Variants in CD101 observed in about 807,000 individuals in gnomAD.
CD101 encodes the protein immunoglobulin superfamily member 2.
CD101 carries 76 observed loss-of-function variants against 98.2 expected under a neutral mutation model. That is an observed-to-expected ratio of 0.77 (90% CI 0.64 to 0.94). The LOEUF is 0.94. Among genes scored for constraint, CD101 ranks in the 40% least tolerant of loss-of-function variants. CD101 has a pLI of 0.00. For missense variants in CD101, 1,145 were observed against 1,218.8 expected, an observed-to-expected ratio of 0.94 and a Z score of 0.90; for synonymous variants, 471 against 472.7, an observed-to-expected ratio of 1.00 and a Z score of 0.05.
rs764902074 is a variant in CD101, at chr1:117,011,876, G to A, written c.751G>A (p.Ala251Thr). ...SSDQGQLFCEATEWIQDPDET... is the reference protein window; with the variant it reads ...SSDQGQLFCETTEWIQDPDET... Reference sequence around the variant, plus strand: ...AGATCAGGGTCAGCTGTTCTGTGAGGCAACGGAATGGATTCAGGATCCAGA... The same window carrying A: ...AGATCAGGGTCAGCTGTTCTGTGAGACAACGGAATGGATTCAGGATCCAGA... The change falls in exon 3 of 10, where the codon GCA (alanine) becomes ACA (threonine). Residue 251 changes from alanine to threonine, a missense_variant. Ala to Thr is a moderately conservative substitution (Grantham distance 58). Coordinates refer to ENST00000682167, the MANE Select transcript of CD101 (RefSeq NM_001256106.3). The A allele has an allele frequency of 1.9e-6, 3 of 1,614,106 alleles. No individual in the cohort carries two copies. The highest frequency in any genetic ancestry group is 2.5e-6 in the Non-Finnish European group (3 of 1,180,018).
chr1:117,033,803 T>C lies in CD101; in HGVS notation c.2825-57T>C. On this transcript the variant is annotated intron_variant, in intron 8 of 9. Transcript: ENST00000682167. The surrounding 1 kb of genome is among the most constrained non-coding windows in gnomAD (Gnocchi z 4.8). ...AATAAATCCCAGGAGTGTTTGTAAT[T>C]GACTAGTACAAATAAGTTGGAGATG... 3 of 1,605,306 alleles carry C rather than the reference T, an allele frequency of 1.9e-6. No individual in the cohort carries two copies. The highest frequency in any genetic ancestry group is 2.6e-6 in the Non-Finnish European group (3 of 1,174,392).
Position 117,021,946 on chromosome 1 carries a change from G to T in CD101, c.2391G>T (p.Lys797Asn). ...GCACTTGGCACAAGCTTGGAGAAAA[G>T]AAGTCAGGACTAACAGAATTGAAAC... ...TNGTWHKLGE[K>N]KSGLTELKLK... The change falls in exon 7 of 10, where the codon AAG becomes AAT. Residue 797 changes from lysine to asparagine, a missense_variant. Transcript: ENST00000682167. The surrounding 1 kb of genome is among the most constrained non-coding windows in gnomAD (Gnocchi z 4.7). 6.2e-7 allele frequency: 1 copy of T among 1,612,926 alleles called. No homozygotes were observed. The highest frequency in any genetic ancestry group is 8.5e-7 in the Non-Finnish European group (1 of 1,179,652).
At position 117,018,511 on chromosome 1, in the gene CD101, G is replaced by A. The variant is rs935721436; in HGVS notation, c.1968G>A (p.Pro656=). ...DRNSLYNNRP[P]RASAISHPLR... is the part of the protein sequence containing the mutation. ...ATTCCCTATACAACAACCGCCCCCC[G>A]AGGGCTTCTGCCATCTCTCACCCAC... The change falls in exon 6 of 10, where the codon CCG becomes CCA. Residue 656 remains proline, a synonymous_variant. Transcript: ENST00000682167. This position sits in a 1 kb window ranked among gnomAD's most constrained non-coding sequence, Gnocchi z 4.3. The A allele has an allele frequency of 7.4e-6, 12 of 1,612,036 alleles. No homozygotes were observed. Among genetic ancestry groups the A allele is most frequent in the African/African-American group, 6.7e-5 (5 of 74,888 alleles).
rs924569671 is a variant in CD101 at position 117,012,567 on chromosome 1, T to A, written c.841+601T>A. On this transcript the variant is annotated intron_variant, in intron 3 of 9. Coordinates refer to ENST00000682167, the MANE Select transcript of CD101 (RefSeq NM_001256106.3). This position sits in a 1 kb window ranked among gnomAD's most constrained non-coding sequence, Gnocchi z 4.0. ...ATGCAGTGACTTTGCTTTTTTATTA[T>A]TTTTTTAATTTTTAAATTTTTTTAA... Among the ~76,000 whole-genome samples the A allele has an allele frequency of 6.6e-6, 1 of 152,196 alleles. No individual in the cohort carries two copies. Among genetic ancestry groups the A allele is most frequent in the African/African-American group, 2.4e-5 (1 of 41,444 alleles).
chr1:117,006,473 G>A lies in CD101; in HGVS notation c.44-3377G>A, dbSNP rs1262671464. 2.0e-5 allele frequency among the ~76,000 whole-genome samples: 3 copies of A among 152,086 alleles called. No individual in the cohort carries two copies. The highest frequency in any genetic ancestry group is 2.9e-5 in the Non-Finnish European group (2 of 68,004). Reference sequence around the variant, plus strand: ...GTGATAGTCAAGTCCTTTCTGCTCTGGACCCAAAAATTGCTGTCCAGTTTT... The same window carrying A: ...GTGATAGTCAAGTCCTTTCTGCTCTAGACCCAAAAATTGCTGTCCAGTTTT... On this transcript the variant is annotated intron_variant, in intron 1 of 9. Coordinates refer to ENST00000682167, the MANE Select transcript of CD101 (RefSeq NM_001256106.3). The surrounding 1 kb of genome is among the most constrained non-coding windows in gnomAD (Gnocchi z 4.4).
chr1:117,016,589 T>TG (rs1191527696), intron 4 of CD101, among the ~76,000 whole-genome samples: 1 of 152,204 alleles, frequency 6.6e-6, no homozygotes, highest in Non-Finnish European at 1.5e-5. Flanking sequence ...CTGGGTGCAG[T>TG]GGCTCATGCC....
intron 1 of CD101, among the ~76,000 whole-genome samples, chr1:117,002,979 A>C (rs1652326962): frequency 6.6e-6 from 1 of 152,212 alleles, no homozygotes; most frequent in Non-Finnish European, 1.5e-5. Flanking sequence ...GACCCAGTTA[A>C]GAACTCTTGC....
In CD101 at chr1:117,018,865, G is replaced by A. The variant is rs1301960845; in HGVS notation, c.2017+305G>A. On this transcript the variant is annotated intron_variant, in intron 6 of 9. Transcript: ENST00000682167. This position sits in a 1 kb window ranked among gnomAD's most constrained non-coding sequence, Gnocchi z 4.3. ...AGGGTACCACGTGGCACAGCAGGGG[G>A]CCTCTAGGACCTGGCTAGAGGGGAG... Among the ~76,000 whole-genome samples the A allele has an allele frequency of 6.6e-6, 1 of 152,164 alleles. No individual in the cohort carries two copies. The highest frequency in any genetic ancestry group is 1.5e-5 in the Non-Finnish European group (1 of 68,040).
intron 3 of CD101, 30 bp downstream of exon 3, chr1:117,011,996 A>G: frequency 6.3e-7 from 1 of 1,580,806 alleles, no homozygotes; most frequent in Non-Finnish European, 8.7e-7. Flanking sequence ...ATTCATTAAT[A>G]CACTAGTATT....
At position 117,018,504 on chromosome 1, in the gene CD101, G is replaced by C. The variant is rs763269950; in HGVS notation, c.1961G>C (p.Arg654Pro). The C allele has an allele frequency of 6.2e-7, 1 of 1,613,260 alleles. No individual in the cohort carries two copies. The highest frequency in any genetic ancestry group is 1.7e-5 in the Admixed American group (1 of 59,998). ...VYDRNSLYNNRPPRASAISHP... is the reference protein window; with the variant it reads ...VYDRNSLYNNPPPRASAISHP... ...GACAGAAATTCCCTATACAACAACC[G>C]CCCCCCGAGGGCTTCTGCCATCTCT... The change falls in exon 6 of 10, where the codon CGC becomes CCC. Residue 654 changes from arginine to proline, a missense_variant. Arg to Pro is a moderately radical substitution (Grantham distance 103). Coordinates refer to ENST00000682167, the MANE Select transcript of CD101 (RefSeq NM_001256106.3). The surrounding 1 kb of genome is among the most constrained non-coding windows in gnomAD (Gnocchi z 4.3).
chr1:117,031,098 G>A (rs1450307938), intron 8 of CD101, among the ~76,000 whole-genome samples: 1 of 152,176 alleles, frequency 6.6e-6, no homozygotes, highest in East Asian at 1.9e-4. Context: ...GGTGGGAAAT[G>A]GTGACTGTGG....
Position 117,013,571 on chromosome 1 carries a change from G to A in CD101, c.1007G>A (p.Gly336Asp). The change falls in exon 4 of 10, where the codon GGC becomes GAC. Residue 336 changes from glycine (G) to aspartate (D), a missense_variant. Gly to Asp is a moderately conservative substitution (Grantham distance 94, BLOSUM62 -1). Coordinates refer to ENST00000682167, the MANE Select transcript of CD101 (RefSeq NM_001256106.3). ...IAHIDAGGVL[G>D]LKNDYKERAS... is the part of the protein sequence containing the mutation. ...CACATTGATGCTGGTGGAGTCCTGG[G>A]CCTGAAGAATGACTACAAAGAGAGA... The A allele has an allele frequency of 1.9e-6, 3 of 1,614,132 alleles. No individual in the cohort carries two copies. Among genetic ancestry groups the A allele is most frequent in the Non-Finnish European group, 8.5e-7 (1 of 1,180,024 alleles).
chr1:117,017,211 C>T lies in CD101; in HGVS notation c.1350C>T (p.Ile450=), dbSNP rs1016069031. Reference sequence around the variant, plus strand: ...CCCTGTCTGTGAGCTGGTGGCACATCCCACGGGACCAGACACAGCCCGAGT... The same window carrying T: ...CCCTGTCTGTGAGCTGGTGGCACATTCCACGGGACCAGACACAGCCCGAGT... ...ESPLSVSWWH[I]PRDQTQPEFV... is the part of the protein sequence containing the mutation. The change falls in exon 5 of 10, where the codon ATC becomes ATT. Residue 450 remains isoleucine, a synonymous_variant. Transcript: ENST00000682167. 6.2e-7 allele frequency: 1 copy of T among 1,613,958 alleles called. No individual in the cohort carries two copies. The highest frequency in any genetic ancestry group is 8.5e-7 in the Non-Finnish European group (1 of 1,179,974).
intron 8 of CD101, among the ~76,000 whole-genome samples, chr1:117,029,988 G>C (rs1369935353): frequency 6.6e-6 from 1 of 152,190 alleles, no homozygotes; most frequent in African/African-American, 2.4e-5. Flanking sequence ...TCTTATTCTA[G>C]AGAATTGTCT....
At position 117,018,504 on chromosome 1, in the gene CD101, G is replaced by A. The variant is rs763269950; in HGVS notation, c.1961G>A (p.Arg654His). The A allele has an allele frequency of 6.1e-5, 98 of 1,613,258 alleles. No homozygotes were observed. The Middle Eastern group carries it at 1.5e-3, about 24-fold the overall frequency. The change falls in exon 6 of 10, where the codon CGC (arginine) becomes CAC (histidine). Residue 654 changes from arginine to histidine, a missense_variant. Coordinates refer to ENST00000682167, the MANE Select transcript of CD101 (RefSeq NM_001256106.3). This position sits in a 1 kb window ranked among gnomAD's most constrained non-coding sequence, Gnocchi z 4.3. ...GACAGAAATTCCCTATACAACAACCGCCCCCCGAGGGCTTCTGCCATCTCT... is the reference window on the plus strand; with the variant it reads ...GACAGAAATTCCCTATACAACAACCACCCCCCGAGGGCTTCTGCCATCTCT... ...VYDRNSLYNN[R>H]PPRASAISHP...
In CD101 at chr1:117,018,247, C is replaced by T. The variant is rs1447990980; in HGVS notation, c.1704C>T (p.Tyr568=). 7 of 1,614,200 alleles carry T rather than the reference C, an allele frequency of 4.3e-6. No homozygotes were observed. The highest frequency in any genetic ancestry group is 5.9e-6 in the Non-Finnish European group (7 of 1,180,038). Residue 568 remains tyrosine (Y), a synonymous_variant, in exon 6 of 10, where the codon TAC becomes TAT. Coordinates refer to ENST00000682167, the MANE Select transcript of CD101 (RefSeq NM_001256106.3). This position sits in a 1 kb window ranked among gnomAD's most constrained non-coding sequence, Gnocchi z 4.3. ...FDLSCVVRAG[Y]SDLKVPLTVT... is the part of the protein sequence containing the mutation. ...TGTCCTGTGTCGTGAGGGCCGGTTA[C>T]TCTGACCTCAAGGTGCCACTCACTG... is the stretch of plus-strand genomic sequence containing the variant.
In CD101 at chr1:117,011,644, CA is replaced by C; in HGVS notation, c.520del (p.Thr174GlnfsTer13). 6.2e-7 allele frequency: 1 copy of C among 1,614,154 alleles called. No individual in the cohort carries two copies. The highest frequency in any genetic ancestry group is 8.5e-7 in the Non-Finnish European group (1 of 1,180,026). On this transcript the variant is annotated frameshift_variant, in exon 3 of 10. Coordinates refer to ENST00000682167, the MANE Select transcript of CD101 (RefSeq NM_001256106.3). LOFTEE classifies it high-confidence loss of function. ...LALTCEASKATAQHTHLSVTW... is the reference protein window; with the variant it reads ...LALTCEASKAXAQHTHLSVTW... ...CCCTCACCTGTGAGGCATCCAAAGC[CA>C]CAGCCCAACATACTCACCTCTCTGT...
chr1:117,035,799 G>A lies in CD101; in HGVS notation c.*34-369G>A, dbSNP rs187313855. Among the ~76,000 whole-genome samples, 172 of 152,152 alleles carry A rather than the reference G, an allele frequency of 1.1e-3. 1 individual carries two copies. Among genetic ancestry groups the A allele is most frequent in the African/African-American group, 4.0e-3 (166 of 41,496 alleles). On this transcript the variant is annotated intron_variant, in intron 9 of 9. Coordinates refer to ENST00000682167, the MANE Select transcript of CD101 (RefSeq NM_001256106.3). ...GATCTCCTGACTTCATGATCCACCC[G>A]CCTCGGCCTCCCAAAGTGCTGGGAT...
chr1:117,011,816 A>G lies in CD101; in HGVS notation c.691A>G (p.Thr231Ala). 1 of 1,614,116 alleles carries G rather than the reference A, an allele frequency of 6.2e-7. No homozygotes were observed. Among genetic ancestry groups the G allele is most frequent in the Non-Finnish European group, 8.5e-7 (1 of 1,180,028 alleles). The change falls in exon 3 of 10, where the codon ACA (threonine) becomes GCA (alanine). Residue 231 changes from threonine (T) to alanine (A), a missense_variant. Transcript: ENST00000682167. ...ACAGCTCAACAAACTGGGACCCACT[A>G]CATTCAGGCTGTCCATAGAGAGGCT... ...DVQLNKLGPT[T>A]FRLSIERLQS...
Sources: allele counts gnomAD v4.1 joint callset (sites outside exome capture counted in the v4.1 genomes callset), GRCh38; gene constraint gnomAD v4.1.1; non-coding constraint Gnocchi (gnomAD v3.1); transcripts MANE v1.5; gene names NCBI Gene and HGNC (gene_info 2026-07-23, HGNC 2026-07-21).